Variants in SGCZ observed in about 807,000 individuals in gnomAD.
SGCZ encodes sarcoglycan zeta, also known as zeta-sarcoglycan.
A neutral mutation model predicts 41.3 loss-of-function variants in SGCZ; 40 were observed. That is an observed-to-expected ratio of 0.97 (90% CI 0.75 to 1.26). SGCZ has a LOEUF of 1.26. Among genes scored for constraint, SGCZ ranks in the 50% most tolerant of loss-of-function variants. The probability of loss-of-function intolerance (pLI) is 0.00; values close to 1 mark genes in which losing one functional copy is unlikely to be tolerated. For synonymous variants in SGCZ, 206 were observed against 137.5 expected, an observed-to-expected ratio of 1.50 and a Z score of -3.49; for missense variants, 552 against 369.8, an observed-to-expected ratio of 1.49 and a Z score of -4.04.
At chr8:14,219,474 C>T (rs1275338458) in intron 4 of SGCZ, among the ~76,000 whole-genome samples, 1 of 152,200 alleles carries the variant, frequency 6.6e-6, no homozygotes, top group Non-Finnish European at 1.5e-5. Flanking sequence ...GAGAACTGGG[C>T]ACAGTGGCTC....
chr8:14,247,178 T>C (rs1799127477), intron 3 of SGCZ, among the ~76,000 whole-genome samples: 1 of 151,974 alleles, frequency 6.6e-6, no homozygotes, highest in Admixed American at 6.6e-5. Flanking sequence ...AATTTCCCCA[T>C]TTGGTTTAGT....
intron 1 of SGCZ, among the ~76,000 whole-genome samples, chr8:15,187,749 A>T (rs912496586): frequency 1.3e-5 from 2 of 152,020 alleles, no homozygotes; most frequent in Non-Finnish European, 2.9e-5. Context: ...AAGGTTTTTT[A>T]AAAAATAAGC....
intron 3 of SGCZ, among the ~76,000 whole-genome samples, chr8:14,317,499 A>C (rs2117015248): frequency 6.6e-6 from 1 of 152,082 alleles, no homozygotes; most frequent in Non-Finnish European, 1.5e-5. Flanking sequence ...TATATACACA[A>C]CACCCAAACA....
intron 1 of SGCZ, among the ~76,000 whole-genome samples, chr8:14,619,826 G>A (rs1806225086): frequency 6.6e-6 from 1 of 152,158 alleles, no homozygotes; most frequent in African/African-American, 2.4e-5. Context: ...CCATGCTCAT[G>A]TACAGGAAGA....
intron 2 of SGCZ, among the ~76,000 whole-genome samples, chr8:14,383,035 A>G (rs961775967): frequency 2.6e-5 from 4 of 152,162 alleles, no homozygotes; most frequent in African/African-American, 7.2e-5. Context: ...ATACAGCCCA[A>G]TAGAGATACA....
At chr8:14,275,109 A>G (rs1800185126) in intron 3 of SGCZ, among the ~76,000 whole-genome samples, 1 of 152,232 alleles carries the variant, frequency 6.6e-6, no homozygotes, top group African/African-American at 2.4e-5. Flanking sequence ...TGCTGAAAAC[A>G]TGTGTCCATA....
At chr8:14,959,916 G>T (rs557457302) in intron 1 of SGCZ, among the ~76,000 whole-genome samples, 1 of 152,106 alleles carries the variant, frequency 6.6e-6, no homozygotes, top group Non-Finnish European at 1.5e-5. Context: ...CTGAGGGAAG[G>T]TCAGTTTTAA....
intron 1 of SGCZ, among the ~76,000 whole-genome samples, chr8:14,705,048 T>G (rs1809290502): frequency 6.6e-6 from 1 of 152,054 alleles, no homozygotes; most frequent in African/African-American, 2.4e-5. Context: ...TTTTTATTGT[T>G]AATTTCGAAG....
chr8:15,167,935 G>C (rs1255616990), intron 1 of SGCZ, among the ~76,000 whole-genome samples: 1 of 152,066 alleles, frequency 6.6e-6, no homozygotes, highest in Admixed American at 6.5e-5. Context: ...GAATAAATAG[G>C]GTGCCCATCA....
rs10655274 is a variant in SGCZ at position 14,369,021 on chromosome 8, A to ATGTGTGTGTGTGTGTG, written c.235-44833_235-44818dup. Among the ~76,000 whole-genome samples the ATGTGTGTGTGTGTGTG allele has an allele frequency of 1.6e-3, 233 of 145,526 alleles. 2 individuals are homozygous for ATGTGTGTGTGTGTGTG. Among genetic ancestry groups the ATGTGTGTGTGTGTGTG allele is most frequent in the Middle Eastern group, 3.6e-3 (1 of 280 alleles). ...TGTCAGAAAACAGAGGCAAATGTAAATGTGTGTGTGTGTGTGTGTGTGTGT... is the reference window on the plus strand; with the variant it reads ...TGTCAGAAAACAGAGGCAAATGTAAATGTGTGTGTGTGTGTGTGTGTGTGTGTGTGTGTGTGTGTGT... On this transcript the variant is annotated intron_variant, in intron 2 of 7. Coordinates refer to ENST00000382080, the MANE Select transcript of SGCZ (RefSeq NM_139167.4).
intron 1 of SGCZ, among the ~76,000 whole-genome samples, chr8:14,585,050 T>A (rs1805014670): frequency 6.6e-6 from 1 of 152,142 alleles, no homozygotes; most frequent in Non-Finnish European, 1.5e-5. Context: ...AGGATGAGGA[T>A]GCTTCAAGGT....
chr8:14,629,374 T>C (rs1806571265), intron 1 of SGCZ, among the ~76,000 whole-genome samples: 2 of 136,414 alleles, frequency 1.5e-5, no homozygotes, highest in African/African-American at 5.4e-5. Context: ...ATCTAAATAA[T>C]GTAAAAATAA....
At chr8:15,172,152 C>CTTTTTTTTTTT (rs1799851364) in intron 1 of SGCZ, among the ~76,000 whole-genome samples, 1 of 70,560 alleles carries the variant, frequency 1.4e-5, no homozygotes, top group African/African-American at 5.4e-5. Flanking sequence ...CTTTTATACT[C>CTTTTTTTTTTT]TGTTTTTTTT....
intron 2 of SGCZ, among the ~76,000 whole-genome samples, chr8:14,490,820 TC>T (rs1254559352): frequency 0.017 from 23 of 1,356 alleles, no homozygotes; most frequent in Non-Finnish European, 0.03. Flanking sequence ...ATTGATCATT[TC>T]AAAAAAAAAA....
intron 1 of SGCZ, among the ~76,000 whole-genome samples, chr8:14,653,713 C>A (rs1246998253): frequency 6.6e-6 from 1 of 151,270 alleles, no homozygotes; most frequent in Non-Finnish European, 1.5e-5. Flanking sequence ...CCCATCTTCA[C>A]AGACATAATC....
chr8:14,388,355 A>C (rs1804646247), intron 2 of SGCZ, among the ~76,000 whole-genome samples: 1 of 152,088 alleles, frequency 6.6e-6, no homozygotes, highest in Non-Finnish European at 1.5e-5. Context: ...AGAAAAGAGA[A>C]TTGGTCAACA....
chr8:14,736,868 C>T (rs889015455), intron 1 of SGCZ, among the ~76,000 whole-genome samples: 33 of 152,004 alleles, frequency 2.2e-4, no homozygotes, highest in Non-Finnish European at 3.7e-4. Flanking sequence ...AGCAATCCCA[C>T]TACCGGGTAT....
At chr8:14,822,073 TACACACACACACAC>T in intron 1 of SGCZ, among the ~76,000 whole-genome samples, 1 of 141,656 alleles carries the variant, frequency 7.1e-6, no homozygotes, top group South Asian at 2.3e-4. Context: ...CCCTAAAGAT[TACACACACACACAC>T]ACACACACAC....
chr8:14,422,975 C>T (rs376498751), intron 2 of SGCZ, among the ~76,000 whole-genome samples: 10 of 152,222 alleles, frequency 6.6e-5, no homozygotes, highest in African/African-American at 2.2e-4. Context: ...CTGCAATGAG[C>T]CATGATCATG....
Sources: allele counts gnomAD v4.1 joint callset (sites outside exome capture counted in the v4.1 genomes callset), GRCh38; gene constraint gnomAD v4.1.1; transcripts MANE v1.5; gene names NCBI Gene and HGNC (gene_info 2026-07-23, HGNC 2026-07-21).